Variants in COL4A4 observed in about 807,000 individuals in gnomAD.
COL4A4 encodes the protein collagen alpha-4(IV) chain.
A neutral mutation model predicts 192.9 loss-of-function variants in COL4A4; 105 were observed. That is an observed-to-expected ratio of 0.54 (90% confidence interval 0.46 to 0.64). The LOEUF is 0.64. Among genes scored for constraint, COL4A4 ranks in the 30% least tolerant of loss-of-function variants. The pLI is 0.00. For synonymous variants in COL4A4, 762 were observed against 769.9 expected, an observed-to-expected ratio of 0.99 and a Z score of 0.17; for missense variants, 1,967 against 2,169.3, an observed-to-expected ratio of 0.91 and a Z score of 1.85.
chr2:226,972,133 G>A, the COL4A4 span, among the ~76,000 whole-genome samples: 1 of 152,212 alleles, frequency 6.6e-6, no homozygotes, highest in East Asian at 1.9e-4. Flanking sequence ...CTGTATCCAT[G>A]TGTTCTCATT....
At chr2:227,137,708 C>A (rs565039855) in intron 4 of COL4A4, among the ~76,000 whole-genome samples, 1 of 152,308 alleles carries the variant, frequency 6.6e-6, no homozygotes, top group East Asian at 1.9e-4. Context: ...CATTGGGAGA[C>A]CCACTGAGGT....
chr2:227,107,030 G>A (rs2060886564), intron 12 of COL4A4, among the ~76,000 whole-genome samples: 1 of 152,246 alleles, frequency 6.6e-6, no homozygotes, highest in South Asian at 2.1e-4. Flanking sequence ...AAGTCACTAA[G>A]ATGCCAATGC....
intron 25 of COL4A4, among the ~76,000 whole-genome samples, chr2:227,074,264 TAAGATA>T (rs767302084): frequency 1.1e-4 from 17 of 151,644 alleles, no homozygotes; most frequent in Non-Finnish European, 2.5e-4. Flanking sequence ...TTTCTCAAAG[TAAGATA>T]AACAAATGGA....
chr2:227,118,850 T>C (rs2061624871), intron 6 of COL4A4, 89 bp from the exon 7 acceptor site: 1 of 845,170 alleles, frequency 1.2e-6, no homozygotes, highest in Non-Finnish European at 2.0e-6. Context: ...ATTATGGCAA[T>C]TGTGATTCAC....
At chr2:227,041,764 AAGGAAGGAAGGAAGGAAGGAAGG>A (rs1970977120) in intron 37 of COL4A4, among the ~76,000 whole-genome samples, 1 of 118,376 alleles carries the variant, frequency 8.4e-6, no homozygotes, top group Non-Finnish European at 1.7e-5. Flanking sequence ...GGAAGGAAGG[AAGGAAGGAAGGAAGGAAGGAAGG>A]GAAAGAAAGA....
chr2:227,151,479 A>G (rs1212625292), intron 1 of COL4A4, among the ~76,000 whole-genome samples: 1 of 152,220 alleles, frequency 6.6e-6, no homozygotes, highest in Non-Finnish European at 1.5e-5. Context: ...TTCAGCAACA[A>G]TCCTATTCCA....
rs1466493013 is a variant in COL4A4 at position 227,051,209 on chromosome 2, A to G, written c.2969-51T>C. ...TCTCTGCTGAAATTTTGAGCTAGGTAATAGTTAAGCTGAGGGACCTGGTCC... is the reference window on the plus strand; with the variant it reads ...TCTCTGCTGAAATTTTGAGCTAGGTGATAGTTAAGCTGAGGGACCTGGTCC... On this transcript the variant is annotated intron_variant, in intron 32 of 47. Transcript: ENST00000396625. 3.8e-6 allele frequency: 6 copies of G among 1,590,510 alleles called. No homozygotes were observed. The South Asian group carries it at 6.6e-5, about 18-fold the overall frequency.
At chr2:227,164,452 A>G (rs2065119366), upstream of COL4A4, 1 of 531,526 alleles carries the variant, frequency 1.9e-6, no homozygotes, top group South Asian at 2.1e-5. The surrounding 1 kb of genome is among the most constrained non-coding windows in gnomAD (Gnocchi z 4.8). Flanking sequence ...CCTCCTGGGC[A>G]CGATGCCCGG....
At chr2:227,131,201 G>C (rs1387386602) in intron 4 of COL4A4, among the ~76,000 whole-genome samples, 1 of 150,674 alleles carries the variant, frequency 6.6e-6, no homozygotes, top group Non-Finnish European at 1.5e-5. Context: ...TGTCGCCCAG[G>C]CTGGAGTGCA....
intron 1 of COL4A4, among the ~76,000 whole-genome samples, chr2:227,153,800 T>C (rs2064129386): frequency 6.6e-6 from 1 of 152,128 alleles, no homozygotes; most frequent in Non-Finnish European, 1.5e-5. Context: ...GAAAACCTGT[T>C]TCAAAAGAGG....
At chr2:227,093,290 TAAACAAAACA>T (rs367690088) in intron 20 of COL4A4, among the ~76,000 whole-genome samples, 289 of 151,932 alleles carry the variant, frequency 1.9e-3, no homozygotes, top group African/African-American at 5.6e-3. Context: ...AGCCACCAGG[TAAACAAAACA>T]AAACAAAACA....
In COL4A4 at chr2:227,030,572, C is replaced by A. The variant is rs777134408; in HGVS notation, c.3844G>T (p.Gly1282Trp). Residue 1282 changes from glycine (G) to tryptophan (W), a missense_variant, in exon 41 of 48, where the codon GGG becomes TGG. Transcript: ENST00000396625. ...RGAPGPPGLP[G>W]SVDLLRGEPG... ...TCCCCTCTCAGAAGGTCAACACTCC[C>A]AGGGAGGCCTGGAGGCCCAGGTGCT... 1 of 1,611,230 alleles carries A rather than the reference C, an allele frequency of 6.2e-7. No individual in the cohort carries two copies. The highest frequency in any genetic ancestry group is 8.5e-7 in the Non-Finnish European group (1 of 1,178,802).
the COL4A4 span, among the ~76,000 whole-genome samples, chr2:226,988,058 T>C: frequency 6.6e-6 from 1 of 152,160 alleles, no homozygotes; most frequent in Non-Finnish European, 1.5e-5. Flanking sequence ...ATGAAAGTCA[T>C]AGCAGGTGGC....
intron 46 of COL4A4, 31 bp downstream of exon 46, chr2:227,010,282 G>A: frequency 6.2e-7 from 1 of 1,612,192 alleles, no homozygotes; most frequent in Non-Finnish European, 8.5e-7. Context: ...TACTCTTCAG[G>A]CAATGGAGAT....
Position 227,035,901 on chromosome 2 carries a change from G to A in COL4A4, c.3506-2420C>T, listed in dbSNP as rs574503947. 5.9e-5 allele frequency among the ~76,000 whole-genome samples: 9 copies of A among 152,162 alleles called. No individual in the cohort carries two copies. In the East Asian group the frequency reaches 1.2e-3, roughly 20 times the overall value. ...TAGGTTGTCACGGTCCCAGCCTCTC[G>A]CCATTGTTGAACTGGCCGACCCTTA... On this transcript the variant is annotated intron_variant, in intron 37 of 47. Coordinates refer to ENST00000396625, the MANE Select transcript of COL4A4 (RefSeq NM_000092.5).
intron 35 of COL4A4, among the ~76,000 whole-genome samples, chr2:227,045,967 T>TTATATATATGTA (rs1156299053): frequency 2.9e-5 from 1 of 34,418 alleles, no homozygotes; most frequent in African/African-American, 1.4e-4. Context: ...ATGTATATAT[T>TTATATATATGTA]TATATGTGTA....
chr2:227,066,814 A>T (rs1194237651), intron 25 of COL4A4, among the ~76,000 whole-genome samples: 6 of 152,084 alleles, frequency 3.9e-5, no homozygotes, highest in Admixed American at 3.3e-4. Context: ...TCAACTAATG[A>T]GCAAAATAAC....
chr2:227,096,067 T>C (rs2060193921), intron 19 of COL4A4, among the ~76,000 whole-genome samples: 1 of 152,178 alleles, frequency 6.6e-6, no homozygotes, highest in African/African-American at 2.4e-5. Flanking sequence ...TGTTGAACTT[T>C]GACATTTCTC....
At chr2:227,149,371 A>T (rs12694715) in intron 1 of COL4A4, among the ~76,000 whole-genome samples, 58,745 of 151,726 alleles carry the variant, frequency 0.39, 11,504 homozygotes, top group Non-Finnish European at 0.43. Context: ...TAAGGGAGAG[A>T]ATTCAGTCAT....
Sources: allele counts gnomAD v4.1 joint callset (sites outside exome capture counted in the v4.1 genomes callset), GRCh38; gene constraint gnomAD v4.1.1; non-coding constraint Gnocchi (gnomAD v3.1); transcripts MANE v1.5; gene names NCBI Gene and HGNC (gene_info 2026-07-23, HGNC 2026-07-21).